Variants in CNBD1 observed in about 807,000 individuals in gnomAD.
The protein encoded by CNBD1 is cyclic nucleotide-binding domain-containing protein 1.
CNBD1 carries 71 observed loss-of-function variants against 54.4 expected under a neutral mutation model. The ratio of observed to expected loss-of-function variants is 1.30; its 90% CI spans 1.08 to 1.59. The LOEUF is 1.59. Ranked by LOEUF, CNBD1 falls within the 40% of genes most tolerant of loss-of-function variation. The pLI, the probability that CNBD1 is intolerant of heterozygous loss-of-function variation, is 0.00. For synonymous variants in CNBD1, 182 were observed against 170.7 expected, an observed-to-expected ratio of 1.07 and a Z score of -0.51; for missense variants, 659 against 518.0, an observed-to-expected ratio of 1.27 and a Z score of -2.64.
At chr8:87,418,731 AAAAC>A (rs1189477172) in intron 2 of CNBD1, among the ~76,000 whole-genome samples, 3 of 152,026 alleles carry the variant, frequency 2.0e-5, no homozygotes, top group Admixed American at 6.6e-5. Flanking sequence ...AAGTGGGAGA[AAAAC>A]AAGTCATAAA....
intron 4 of CNBD1, among the ~76,000 whole-genome samples, chr8:87,086,525 G>GA (rs1205575570): frequency 7.9e-5 from 12 of 152,152 alleles, no homozygotes; most frequent in African/African-American, 2.9e-4. Context: ...TACAGGCTCA[G>GA]AAAAGACATT....
intron 4 of CNBD1, among the ~76,000 whole-genome samples, chr8:87,064,702 A>T (rs918978621): frequency 1.3e-5 from 2 of 151,674 alleles, no homozygotes; most frequent in African/African-American, 4.8e-5. Flanking sequence ...TGAAAATGTT[A>T]TTATTTACTT....
intron 2 of CNBD1, among the ~76,000 whole-genome samples, chr8:87,397,943 G>A (rs1293148811): frequency 6.6e-6 from 1 of 151,980 alleles, no homozygotes; most frequent in Non-Finnish European, 1.5e-5. Context: ...CACGTAAGAT[G>A]TGACTTGCTC....
intron 4 of CNBD1, among the ~76,000 whole-genome samples, chr8:87,128,028 G>A (rs779566213): frequency 1.3e-5 from 2 of 152,138 alleles, no homozygotes; most frequent in Admixed American, 1.3e-4. Context: ...GAGAAGAGAA[G>A]GAGTGTCTGA....
intron 3 of CNBD1, among the ~76,000 whole-genome samples, chr8:86,930,067 G>A (rs573028824): frequency 1.3e-5 from 2 of 152,314 alleles, no homozygotes; most frequent in South Asian, 4.1e-4. Context: ...TCTCCTAGAT[G>A]AGTATTTGCC....
At chr8:86,908,453 G>T (rs1435146310) in intron 3 of CNBD1, among the ~76,000 whole-genome samples, 1 of 152,126 alleles carries the variant, frequency 6.6e-6, no homozygotes, top group Admixed American at 6.5e-5. Context: ...TTTGAAGAAA[G>T]AAGTCTGTTA....
At chr8:86,946,874 T>C (rs531586843) in intron 4 of CNBD1, among the ~76,000 whole-genome samples, 8 of 152,196 alleles carry the variant, frequency 5.3e-5, no homozygotes, top group Non-Finnish European at 1.2e-4. Context: ...TAAAGTCATC[T>C]TGAATGGTAG....
At chr8:87,282,643 T>G (rs1808620305) in intron 6 of CNBD1, among the ~76,000 whole-genome samples, 1 of 151,962 alleles carries the variant, frequency 6.6e-6, no homozygotes, top group African/African-American at 2.4e-5. Context: ...AGTTTTATAA[T>G]TTCCTAATTA....
intron 2 of CNBD1, among the ~76,000 whole-genome samples, chr8:87,398,024 C>T (rs1345956768): frequency 2.0e-5 from 3 of 151,804 alleles, no homozygotes; most frequent in South Asian, 2.1e-4. Flanking sequence ...AAACCTCTTT[C>T]ATTTGTAAAT....
intron 6 of CNBD1, among the ~76,000 whole-genome samples, chr8:87,256,540 G>A (rs1340808564): frequency 6.6e-6 from 1 of 151,804 alleles, no homozygotes; most frequent in South Asian, 2.1e-4. Context: ...GCAGCAGAAG[G>A]TGTTCCACAA....
intron 4 of CNBD1, among the ~76,000 whole-genome samples, chr8:87,122,347 G>A (rs1329269590): frequency 6.6e-6 from 1 of 151,716 alleles, no homozygotes; most frequent in African/African-American, 2.4e-5. Flanking sequence ...AAATTTGTAT[G>A]TCTTCTTTGA....
chr8:87,183,159 CTT>C (rs1813392579), intron 4 of CNBD1, among the ~76,000 whole-genome samples: 1 of 152,098 alleles, frequency 6.6e-6, no homozygotes, highest in Non-Finnish European at 1.5e-5. Context: ...AATAGTGAGT[CTT>C]TTCCCTACTG....
At chr8:87,046,694 A>G (rs892925998) in intron 4 of CNBD1, among the ~76,000 whole-genome samples, 1 of 152,184 alleles carries the variant, frequency 6.6e-6, no homozygotes, top group African/African-American at 2.4e-5. Flanking sequence ...ATATAGGGAT[A>G]AAAATACAAA....
At chr8:87,365,635 A>G (rs1810627758) in intron 10 of CNBD1, among the ~76,000 whole-genome samples, 1 of 152,072 alleles carries the variant, frequency 6.6e-6, no homozygotes, top group Non-Finnish European at 1.5e-5. Flanking sequence ...ACTTGTAAGT[A>G]GATTTATTTG....
At chr8:87,281,846 G>A (rs1427193832) in intron 6 of CNBD1, among the ~76,000 whole-genome samples, 1 of 150,802 alleles carries the variant, frequency 6.6e-6, no homozygotes, top group Non-Finnish European at 1.5e-5. Context: ...TTTTCAATCT[G>A]GTGGATAAAA....
At chr8:86,959,647 C>G (rs942111789) in intron 4 of CNBD1, among the ~76,000 whole-genome samples, 5 of 152,168 alleles carry the variant, frequency 3.3e-5, no homozygotes, top group Non-Finnish European at 7.3e-5. Context: ...GAATCGGCTA[C>G]TAAAGCTTGT....
intron 2 of CNBD1, among the ~76,000 whole-genome samples, chr8:87,423,590 G>A (rs200461122): frequency 1.1e-3 from 158 of 148,306 alleles, no homozygotes; most frequent in East Asian, 3.7e-3. Flanking sequence ...ATTGATTTGC[G>A]TATATTGAAC....
At chr8:87,061,200 C>T (rs146498183) in intron 4 of CNBD1, among the ~76,000 whole-genome samples, 7 of 152,326 alleles carry the variant, frequency 4.6e-5, no homozygotes, top group South Asian at 2.1e-4. Context: ...ACTCACCAAT[C>T]GGTGCTGGCT....
chr8:87,255,488 A>T (rs1037756626), intron 6 of CNBD1, among the ~76,000 whole-genome samples: 5 of 152,164 alleles, frequency 3.3e-5, no homozygotes, highest in Non-Finnish European at 7.4e-5. Flanking sequence ...ACAATTTAAC[A>T]TATACCTGCC....
Sources: gnomAD v4.1 joint callset for allele counts (sites outside exome capture counted in the v4.1 genomes callset) on GRCh38, gnomAD v4.1.1 for gene constraint, MANE v1.5 for transcripts, NCBI Gene and HGNC (gene_info 2026-07-23, HGNC 2026-07-21) for gene names.